Variants in AGL observed in about 807,000 individuals in gnomAD.
AGL encodes the protein amylo-alpha-1,6-glucosidase and 4-alpha-glucanotransferase, also known as glycogen debranching enzyme.
AGL carries 128 observed loss-of-function variants against 199.3 expected under a neutral mutation model. That is an observed-to-expected ratio of 0.64 (90% CI 0.56 to 0.74). The LOEUF (loss-of-function observed/expected upper bound fraction) is 0.74, where lower values mean the gene tolerates loss of function less well. Ranked by LOEUF, AGL falls within the 30% of genes least tolerant of loss-of-function variation. The pLI is 0.00. For missense variants in AGL, 1,809 were observed against 1,820.8 expected (o/e 0.99, Z 0.12); for synonymous variants, 584 against 594.7 (o/e 0.98, Z 0.26).
intron 24 of AGL, among the ~76,000 whole-genome samples, chr1:99,894,522 A>G (rs1487615849): frequency 1.3e-5 from 2 of 152,210 alleles, no homozygotes; most frequent in South Asian, 2.1e-4. Flanking sequence ...AATATCATGT[A>G]TATATCAACC....
Position 99,884,174 on chromosome 1 carries a change from C to T in AGL, c.2363C>T (p.Pro788Leu). The change falls in exon 18 of 34, where the codon CCT becomes CTT. Residue 788 changes from proline to leucine, a missense_variant. Pro to Leu is a moderately conservative substitution (Grantham distance 98, BLOSUM62 -3). Transcript: ENST00000361915. ...AGAACTATTGAGAGAAACACGAAAC[C>T]TTATAGGAAGGATGAGAATTCAATC... The part of the protein sequence containing the change: ...EARTIERNTK[P>L]YRKDENSING... 2.5e-6 allele frequency: 4 copies of T among 1,612,738 alleles called. No individual in the cohort carries two copies. The highest frequency in any genetic ancestry group is 2.2e-5 in the East Asian group (1 of 44,742).
intron 29 of AGL, 73 bp from the exon 30 acceptor site, chr1:99,913,454 A>G: frequency 8.2e-7 from 1 of 1,223,990 alleles, no homozygotes; most frequent in Non-Finnish European, 1.2e-6. Context: ...ACTAAATATT[A>G]CTATTTGTCT....
intron 24 of AGL, among the ~76,000 whole-genome samples, chr1:99,895,177 C>A (rs1261108992): frequency 6.6e-6 from 1 of 152,014 alleles, no homozygotes; most frequent in Non-Finnish European, 1.5e-5. Context: ...GCCACCCAAG[C>A]AGCTGGGATT....
chr1:99,916,317 A>G, intron 31 of AGL, 93 bp from the exon 32 acceptor site: 1 of 995,754 alleles, frequency 1.0e-6, no homozygotes, highest in Non-Finnish European at 1.5e-6. Context: ...ATAATTGATT[A>G]TTTCTCTTAC....
At chr1:99,857,343 G>C (rs1413108155) in intron 2 of AGL, among the ~76,000 whole-genome samples, 1 of 151,848 alleles carries the variant, frequency 6.6e-6, no homozygotes, top group African/African-American at 2.4e-5. Context: ...CAGCCGGGCA[G>C]AGGGGCTCCT....
Position 99,884,651 on chromosome 1 carries a change from G to A in AGL, c.2629G>A (p.Gly877Ser). Residue 877 changes from glycine (G) to serine (S), a missense_variant, in exon 20 of 34, where the codon GGC becomes AGC. Transcript: ENST00000361915. Reference sequence around the variant, plus strand: ...ACAATTCAGTCCTCACTTTAAATCTGGCAGCCTAGCTGTTGACAATGCAGA... The same window carrying A: ...ACAATTCAGTCCTCACTTTAAATCTAGCAGCCTAGCTGTTGACAATGCAGA... ...LTQFSPHFKS[G>S]SLAVDNADPI... The A allele has an allele frequency of 1.2e-6, 2 of 1,613,930 alleles. No homozygotes were observed. Among genetic ancestry groups the A allele is most frequent in the Non-Finnish European group, 1.7e-6 (2 of 1,179,930 alleles).
intron 7 of AGL, among the ~76,000 whole-genome samples, chr1:99,871,289 AT>A (rs1650981083): frequency 6.6e-6 from 1 of 152,050 alleles, no homozygotes; most frequent in African/African-American, 2.4e-5. Flanking sequence ...CTCCCAGCTG[AT>A]TTTGCGCACT....
At position 99,884,178 on chromosome 1, in the gene AGL, T is replaced by C. The variant is rs766564503; in HGVS notation, c.2367T>C (p.Tyr789=). The change falls in exon 18 of 34, where the codon TAT becomes TAC. Residue 789 remains tyrosine, a synonymous_variant. Transcript: ENST00000361915. ...ARTIERNTKP[Y]RKDENSINGT... ...CTATTGAGAGAAACACGAAACCTTA[T>C]AGGAAGGATGAGAATTCAATCAATG... 48 of 1,612,748 alleles carry C rather than the reference T, an allele frequency of 3.0e-5. No individual in the cohort carries two copies. The highest frequency in any genetic ancestry group is 3.9e-5 in the Non-Finnish European group (46 of 1,179,086).
intron 9 of AGL, 38 bp downstream of exon 9, chr1:99,875,294 C>G (rs1326704730): frequency 6.2e-7 from 1 of 1,611,690 alleles, no homozygotes; most frequent in Non-Finnish European, 8.5e-7. Flanking sequence ...TTCCTTGCAT[C>G]TTACTACTAT....
At chr1:99,849,298 A>G (rs566460), upstream of AGL, among the ~76,000 whole-genome samples, 2,587 of 152,148 alleles carry the variant, frequency 0.017, 82 homozygotes, top group African/African-American at 0.058. Flanking sequence ...GTCATTCCAC[A>G]ATAAAGAATG....
intron 14 of AGL, 49 bp from the exon 15 acceptor site, chr1:99,881,027 T>C: frequency 6.8e-7 from 1 of 1,461,160 alleles, no homozygotes; most frequent in Non-Finnish European, 9.6e-7. Context: ...GAATAGCACT[T>C]TGCATTTGAA....
At chr1:99,874,463 G>C (rs1340224196) in intron 7 of AGL, 5 of 462,512 alleles carry the variant, frequency 1.1e-5, no homozygotes, top group Non-Finnish European at 1.9e-5. Flanking sequence ...TTTTGTCTCT[G>C]TTTCTTTCTC....
At chr1:99,884,286 A>G (rs1269838286) in intron 18 of AGL, 42 bp downstream of exon 18, 2 of 1,612,362 alleles carry the variant, frequency 1.2e-6, no homozygotes, top group Non-Finnish European at 1.7e-6. Flanking sequence ...TAGCATTTTA[A>G]GAACATTAGA....
At chr1:99,877,580 TTGAAGTAATTGTTTTCA>T (rs969594950) in intron 11 of AGL, 44 bp from the exon 12 acceptor site, 2 of 1,494,876 alleles carry the variant, frequency 1.3e-6, no homozygotes, top group African/African-American at 2.8e-5. Flanking sequence ...CAGTGTTTCC[TTGAAGTAATTGTTTTCA>T]TTTTATTTCT....
In AGL at chr1:99,900,855, C is replaced by T; in HGVS notation, c.3582C>T (p.Gly1194=). 1 of 1,599,312 alleles carries T rather than the reference C, an allele frequency of 6.3e-7. No individual in the cohort carries two copies. The highest frequency in any genetic ancestry group is 8.6e-7 in the Non-Finnish European group (1 of 1,167,650). The change falls in exon 26 of 34, where the codon GGC becomes GGT. Residue 1194 remains glycine, a synonymous_variant. Transcript: ENST00000361915. ...ATGATTCTGCTCCTTTGCCTGCTGGCACACTGGTAAAGATATTTCTTAAAA... is the reference window on the plus strand; with the variant it reads ...ATGATTCTGCTCCTTTGCCTGCTGGTACACTGGTAAAGATATTTCTTAAAA... ...PTDDSAPLPA[G]TLDQPLFEVI... is the part of the protein sequence containing the mutation.
At chr1:99,896,787 TA>T (rs1172398485) in intron 25 of AGL, among the ~76,000 whole-genome samples, 1 of 152,166 alleles carries the variant, frequency 6.6e-6, no homozygotes, top group East Asian at 1.9e-4. Flanking sequence ...TTTCTAGACT[TA>T]AAATGGTTTT....
chr1:99,888,466 G>A (rs563389530), intron 21 of AGL, among the ~76,000 whole-genome samples: 1 of 151,994 alleles, frequency 6.6e-6, no homozygotes, highest in Admixed American at 6.6e-5. Context: ...ATGTATACTT[G>A]GACCTTGATT....
intron 33 of AGL, among the ~76,000 whole-genome samples, chr1:99,920,197 A>G (rs188395332): frequency 1.3e-5 from 2 of 152,320 alleles, no homozygotes; most frequent in East Asian, 3.9e-4. Flanking sequence ...GACTTAAATA[A>G]TAGAAATTGT....
intron 27 of AGL, among the ~76,000 whole-genome samples, chr1:99,906,640 TC>T (rs1205114541): frequency 6.6e-6 from 1 of 152,212 alleles, no homozygotes; most frequent in African/African-American, 2.4e-5. Context: ...CAGTATTTGT[TC>T]TTTTGTGACT....
Sources: allele counts gnomAD v4.1 joint callset (sites outside exome capture counted in the v4.1 genomes callset), GRCh38; gene constraint gnomAD v4.1.1; transcripts MANE v1.5; gene names NCBI Gene and HGNC (gene_info 2026-07-23, HGNC 2026-07-21).